Variants in GRM5 observed in about 807,000 individuals in gnomAD.
The protein encoded by GRM5 is metabotropic glutamate receptor 5.
In GRM5, 19 loss-of-function variants were observed where a neutral mutation model predicts 83.1. That is an observed-to-expected ratio of 0.23 (90% confidence interval 0.16 to 0.34). The LOEUF is 0.34. Among genes scored for constraint, GRM5 ranks in the 10% least tolerant of loss-of-function variants. The pLI is 1.00. For missense variants in GRM5, 1,160 were observed against 1,588.3 expected (o/e 0.73, Z 4.58); for synonymous variants, 675 against 633.6 (o/e 1.07, Z -0.98).
chr11:89,030,618 C>T (rs113309166), intron 2 of GRM5, among the ~76,000 whole-genome samples: 3,262 of 151,960 alleles, frequency 0.021, 66 homozygotes, highest in African/African-American at 0.047. Flanking sequence ...TTAGTATTAG[C>T]TATGACAATA....
intron 2 of GRM5, among the ~76,000 whole-genome samples, chr11:88,966,325 A>G (rs1938960175): frequency 6.6e-6 from 1 of 152,146 alleles, no homozygotes; most frequent in Non-Finnish European, 1.5e-5. Context: ...CAAATTAGAG[A>G]ATGAAGAGAC....
chr11:88,972,802 G>A (rs974864842), intron 2 of GRM5, among the ~76,000 whole-genome samples: 7 of 151,822 alleles, frequency 4.6e-5, no homozygotes, highest in Non-Finnish European at 1.5e-5. Flanking sequence ...AATCTCACAG[G>A]CACCATTAAT....
chr11:88,980,845 T>C (rs1939497495), intron 2 of GRM5, among the ~76,000 whole-genome samples: 1 of 151,826 alleles, frequency 6.6e-6, no homozygotes, highest in South Asian at 2.1e-4. Flanking sequence ...TAAATAAAAA[T>C]AAAAGGATAT....
At chr11:88,715,643 A>G (rs761745279) in intron 3 of GRM5, among the ~76,000 whole-genome samples, 19 of 152,008 alleles carry the variant, frequency 1.2e-4, no homozygotes, top group Non-Finnish European at 2.8e-4. Context: ...TAATCACACA[A>G]ATAAGTAATG....
intron 2 of GRM5, among the ~76,000 whole-genome samples, chr11:88,887,247 G>A (rs574283815): frequency 2.0e-5 from 3 of 152,132 alleles, no homozygotes; most frequent in Non-Finnish European, 4.4e-5. Flanking sequence ...CACCTATTCT[G>A]CCTCCAATTA....
At chr11:88,554,163 A>G (rs1942572245) in intron 8 of GRM5, among the ~76,000 whole-genome samples, 1 of 152,106 alleles carries the variant, frequency 6.6e-6, no homozygotes, top group African/African-American at 2.4e-5. Context: ...TGTAGGGGAC[A>G]ATCCATTTCC....
intron 2 of GRM5, among the ~76,000 whole-genome samples, chr11:88,909,903 CT>C (rs1471369281): frequency 6.6e-6 from 1 of 152,044 alleles, no homozygotes; most frequent in Non-Finnish European, 1.5e-5. Context: ...TGAGTATATA[CT>C]TTTTTAAATT....
chr11:88,889,807 A>G (rs1440621510), intron 2 of GRM5, among the ~76,000 whole-genome samples: 1 of 152,154 alleles, frequency 6.6e-6, no homozygotes, highest in African/African-American at 2.4e-5. Flanking sequence ...AGTCCTTGGG[A>G]AAAACAGAGG....
At chr11:88,698,349 C>T (rs1231288805) in intron 3 of GRM5, among the ~76,000 whole-genome samples, 1 of 152,194 alleles carries the variant, frequency 6.6e-6, no homozygotes, top group Non-Finnish European at 1.5e-5. Context: ...ACCAAGGCTT[C>T]TCAGCATGTA....
chr11:88,905,141 C>G (rs1422604383), intron 2 of GRM5, among the ~76,000 whole-genome samples: 3 of 152,024 alleles, frequency 2.0e-5, no homozygotes, highest in Non-Finnish European at 4.4e-5. Context: ...AAGAATATTA[C>G]CCTTACAGAT....
chr11:88,572,027 T>C (rs768049771), intron 7 of GRM5, among the ~76,000 whole-genome samples: 1 of 152,188 alleles, frequency 6.6e-6, no homozygotes, highest in Non-Finnish European at 1.5e-5. Context: ...AAAGGCTTTG[T>C]AGCTGATAGC....
intron 2 of GRM5, among the ~76,000 whole-genome samples, chr11:88,997,688 C>T (rs1940235113): frequency 1.3e-5 from 2 of 151,990 alleles, no homozygotes; most frequent in Admixed American, 6.6e-5. Flanking sequence ...CAAACACATA[C>T]TTGAAAACTT....
chr11:88,823,938 CT>C (rs1943847679), intron 3 of GRM5, among the ~76,000 whole-genome samples: 1 of 152,016 alleles, frequency 6.6e-6, no homozygotes, highest in East Asian at 1.9e-4. Context: ...ATTATTCTTG[CT>C]TCTTTTGGTC....
intron 3 of GRM5, among the ~76,000 whole-genome samples, chr11:88,789,332 C>T (rs1203989657): frequency 1.3e-5 from 2 of 150,366 alleles, no homozygotes; most frequent in East Asian, 3.9e-4. Flanking sequence ...AGGCCAAGTT[C>T]CATTTAAATA....
At chr11:88,709,166 AAGG>A (rs1179549953) in intron 3 of GRM5, among the ~76,000 whole-genome samples, 1 of 152,006 alleles carries the variant, frequency 6.6e-6, no homozygotes, top group Non-Finnish European at 1.5e-5. Flanking sequence ...AAGCACTCCA[AAGG>A]AGGAGTTGCT....
chr11:89,008,527 A>T (rs949402948), intron 2 of GRM5, among the ~76,000 whole-genome samples: 3 of 152,140 alleles, frequency 2.0e-5, no homozygotes, highest in Non-Finnish European at 2.9e-5. Context: ...TTTTGATAAT[A>T]GTATATATAT....
intron 2 of GRM5, among the ~76,000 whole-genome samples, chr11:88,979,555 T>C (rs1398364727): frequency 5.9e-5 from 9 of 152,216 alleles, no homozygotes; most frequent in Admixed American, 5.9e-4. Context: ...TGATTATTGC[T>C]GATCTGTTTT....
intron 2 of GRM5, among the ~76,000 whole-genome samples, chr11:88,875,409 C>A (rs953658984): frequency 2.6e-5 from 4 of 151,968 alleles, no homozygotes; most frequent in Non-Finnish European, 4.4e-5. Flanking sequence ...TCTTCTACCA[C>A]ATCTGTAGTT....
At chr11:88,986,648 G>C (rs1295831069) in intron 2 of GRM5, among the ~76,000 whole-genome samples, 2 of 149,134 alleles carry the variant, frequency 1.3e-5, no homozygotes, top group Non-Finnish European at 3.0e-5. Context: ...CAAGCCATAG[G>C]TTGCCTTTTT....
Sources: allele counts gnomAD v4.1 joint callset (sites outside exome capture counted in the v4.1 genomes callset), GRCh38; gene constraint gnomAD v4.1.1; transcripts MANE v1.5; gene names NCBI Gene and HGNC (gene_info 2026-07-23, HGNC 2026-07-21).